The following WNK2 variants were observed in gnomAD, a reference collection of about 807,000 sequenced individuals.
WNK2 encodes the protein serine/threonine-protein kinase WNK2.
WNK2 carries 67 observed loss-of-function variants against 192.1 expected under a neutral mutation model. The ratio of observed to expected loss-of-function variants is 0.35; its 90% confidence interval spans 0.29 to 0.43. WNK2 has a LOEUF of 0.43. Ranked by LOEUF, WNK2 falls within the 20% of genes least tolerant of loss-of-function variation. WNK2 has a pLI of 1.00. For synonymous variants in WNK2, 1,439 were observed against 1,393.9 expected (o/e 1.03, Z -0.72); for missense variants, 2,698 against 3,089.7 (o/e 0.87, Z 3.01).
intron 19 of WNK2, among the ~76,000 whole-genome samples, chr9:93,283,069 A>T (rs150503334): frequency 1.3e-5 from 2 of 152,236 alleles, no homozygotes; most frequent in Non-Finnish European, 1.5e-5. Context: ...AGAAATTACA[A>T]TGGAAACTAA....
At position 93,259,592 on chromosome 9, in the gene WNK2, C is replaced by A; in HGVS notation, c.3044C>A (p.Pro1015Gln). ...CCCCACCTTCCTGAACAAGCTGCTC[C>A]AGCTGCTACACCAGGGAGCCAGGTA... ...LQPHLPEQAA[P>Q]AATPGSQILL... The change falls in exon 12 of 30, where the codon CCA (proline) becomes CAA (glutamine). Residue 1015 changes from proline to glutamine, a missense_variant. Pro to Gln is a moderately conservative substitution (Grantham distance 76). This residue lies in a region of WNK2 where 893 missense variants were observed against 909.0 expected (regional missense o/e 0.98). Transcript: ENST00000427277. This position sits in a 1 kb window ranked among gnomAD's most constrained non-coding sequence, Gnocchi z 4.8. 6.3e-7 allele frequency: 1 copy of A among 1,591,812 alleles called. No individual in the cohort carries two copies. Among genetic ancestry groups the A allele is most frequent in the Non-Finnish European group, 8.5e-7 (1 of 1,176,302 alleles).
intron 2 of WNK2, 126 bp downstream of exon 2, chr9:93,185,736 A>G (rs1829182550): frequency 8.8e-7 from 1 of 1,133,348 alleles, no homozygotes; most frequent in African/African-American, 1.6e-5. Flanking sequence ...CATGTGTGTC[A>G]CCCTCTGTGT....
Position 93,292,674 on chromosome 9 carries a change from G to A in WNK2, c.5209G>A (p.Asp1737Asn). ...CCCTCGGAAACGTCCAGAGCAGCAG[G>A]ATGTCAGCTCACCAGCCAAGACTGT... ...GSPRKRPEQQ[D>N]VSSPAKTVGR... Residue 1737 changes from aspartate to asparagine, a missense_variant, in exon 23 of 30, where the codon GAT (aspartate) becomes AAT (asparagine). Physicochemically the swap from Asp to Asn is conservative, Grantham distance 23. Coordinates refer to ENST00000427277, the MANE Select transcript of WNK2 (RefSeq NM_006648.4). The A allele has an allele frequency of 6.3e-7, 1 of 1,576,136 alleles. No individual in the cohort carries two copies.
chr9:93,289,545 C>G lies in WNK2; in HGVS notation c.4791C>G (p.Val1597=). The change falls in exon 20 of 30, where the codon GTC becomes GTG. Residue 1597 remains valine (V), a synonymous_variant. Transcript: ENST00000427277. The part of the protein sequence containing the change: ...PLRGDQPRSE[V]CGGDLALPPV... ...GAGGGGACCAGCCCCGCTCAGAGGT[C>G]TGCGGGGGGGACCTGGCCCTGCCCC... 1 of 1,573,196 alleles carries G rather than the reference C, an allele frequency of 6.4e-7. No homozygotes were observed. Among genetic ancestry groups the G allele is most frequent in the Non-Finnish European group, 8.6e-7 (1 of 1,156,232 alleles).
At position 93,278,361 on chromosome 9, in the gene WNK2, G is replaced by A. The variant is rs1421946935; in HGVS notation, c.4033+9615G>A. On this transcript the variant is annotated intron_variant, in intron 19 of 29. Coordinates refer to ENST00000427277, the MANE Select transcript of WNK2 (RefSeq NM_006648.4). ...GTGTGTGAGGAAACTCACCCAGGCTGAGGAATGACCCACCACGAAGGATCA... is the reference window on the plus strand; with the variant it reads ...GTGTGTGAGGAAACTCACCCAGGCTAAGGAATGACCCACCACGAAGGATCA... Among the ~76,000 whole-genome samples the A allele has an allele frequency of 2.0e-5, 3 of 152,214 alleles. No individual in the cohort carries two copies. The East Asian group carries it at 5.8e-4, about 29-fold the overall frequency.
chr9:93,263,242 G>T, intron 14 of WNK2: 1 of 468,408 alleles, frequency 2.1e-6, no homozygotes, highest in Non-Finnish European at 3.9e-6. Flanking sequence ...AACAGTGGTG[G>T]GTGTGTTTCT....
In WNK2 at chr9:93,256,440, C is replaced by A. The variant is rs200579206; in HGVS notation, c.2176C>A (p.Pro726Thr). The A allele has an allele frequency of 2.8e-4, 434 of 1,526,304 alleles. 1 individual carries two copies. In the African/African-American group the frequency reaches 4.9e-3, roughly 17 times the overall value. 94.5% of individuals were successfully genotyped at this position (1,526,304 alleles called of 1,614,324 possible). The change falls in exon 10 of 30, where the codon CCC becomes ACC. Residue 726 changes from proline to threonine, a missense_variant. By Grantham distance (38) the Pro-to-Thr change is conservative. Around this residue, in one of 7 missense-constraint regions of WNK2, gnomAD observed 893 missense variants for 909.0 expected, o/e 0.98. Coordinates refer to ENST00000427277, the MANE Select transcript of WNK2 (RefSeq NM_006648.4). ...PMPTGPGQPA[P>T]PGQQPPPLAQ... ...GCCCACGGGCCCAGGCCAGCCAGCA[C>A]CCCCCGGCCAGCAGGTGAGTGTGGC...
chr9:93,276,069 G>A (rs1846820874), intron 19 of WNK2, among the ~76,000 whole-genome samples: 1 of 152,194 alleles, frequency 6.6e-6, no homozygotes, highest in South Asian at 2.1e-4. Flanking sequence ...AAAAGTTAAA[G>A]CAGATTACTT....
intron 19 of WNK2, among the ~76,000 whole-genome samples, chr9:93,273,822 T>G (rs969650140): frequency 2.0e-5 from 3 of 152,194 alleles, no homozygotes; most frequent in African/African-American, 7.2e-5. Context: ...TACAGTGTAA[T>G]ATAAAATTAA....
intron 16 of WNK2, among the ~76,000 whole-genome samples, chr9:93,265,531 C>G (rs4744207): frequency 0.32 from 49,336 of 152,136 alleles, 8,193 homozygotes; most frequent in South Asian, 0.52. Context: ...CAGCAAGCAG[C>G]TGGTTCGTCA....
At chr9:93,300,235 A>C in intron 26 of WNK2, 86 bp downstream of exon 26, 1 of 1,026,720 alleles carries the variant, frequency 9.7e-7, no homozygotes. Flanking sequence ...TACCTTTCAT[A>C]CATTTCATAG....
chr9:93,222,756 C>T (rs1476869945), intron 2 of WNK2, among the ~76,000 whole-genome samples: 2 of 149,956 alleles, frequency 1.3e-5, no homozygotes, highest in Non-Finnish European at 3.0e-5. Context: ...GATCTCGGCT[C>T]ACTACAACCT....
intron 27 of WNK2, chr9:93,307,930 G>A: frequency 4.5e-6 from 1 of 223,814 alleles, no homozygotes; most frequent in South Asian, 8.0e-5. Context: ...GCCAGAGAGA[G>A]CCCGAGGAAC....
Position 93,259,429 on chromosome 9 carries a change from A to C in WNK2, c.2881A>C (p.Thr961Pro), listed in dbSNP as rs1588246351. The C allele has an allele frequency of 9.8e-7, 1 of 1,017,068 alleles. No individual in the cohort carries two copies. Among genetic ancestry groups the C allele is most frequent in the Non-Finnish European group, 1.3e-6 (1 of 781,144 alleles). The allele number at this position is 1,017,068 out of a possible 1,614,324, so 63.0% of individuals were successfully genotyped here. ...ACAACCCGTGCTGCCCCCGCAACCC[A>C]CGCTGCCCCCTCAACCTGTGTTGCC... ...PPQPVLPPQP[T>P]LPPQPVLPPQ... Residue 961 changes from threonine (T) to proline (P), a missense_variant, in exon 12 of 30, where the codon ACG becomes CCG. Physicochemically the swap from Thr to Pro is conservative, Grantham distance 38. Around this residue, in one of 7 missense-constraint regions of WNK2, gnomAD observed 893 missense variants for 909.0 expected, o/e 0.98. Transcript: ENST00000427277. This position sits in a 1 kb window ranked among gnomAD's most constrained non-coding sequence, Gnocchi z 4.8.
Position 93,229,980 on chromosome 9 carries a change from G to A in WNK2, c.854+112G>A. The A allele has an allele frequency of 7.4e-7, 1 of 1,346,920 alleles. No homozygotes were observed. The highest frequency in any genetic ancestry group is 1.0e-6 in the Non-Finnish European group (1 of 1,000,424). 83.4% of individuals were successfully genotyped at this position (1,346,920 alleles called of 1,614,324 possible). The stretch of plus-strand genomic sequence containing the variant: ...GTGGTCCTGGCTGGTGCCTGTGGGA[G>A]GCTGTCTCCTCTTTCCTCTCCTGCA... On this transcript the variant is annotated intron_variant, in intron 3 of 29. Coordinates refer to ENST00000427277, the MANE Select transcript of WNK2 (RefSeq NM_006648.4). The surrounding 1 kb of genome is among the most constrained non-coding windows in gnomAD (Gnocchi z 4.9).
intron 23 of WNK2, among the ~76,000 whole-genome samples, chr9:93,294,055 G>A (rs1263780948): frequency 6.6e-6 from 1 of 152,152 alleles, no homozygotes; most frequent in Non-Finnish European, 1.5e-5. Context: ...TTACTGGGAT[G>A]TCCTTCGGGA....
Position 93,289,538 on chromosome 9 carries a change from C to A in WNK2, c.4784C>A (p.Ser1595Ter). The change falls in exon 20 of 30, where the codon TCA becomes TAA. Residue 1595 changes from serine (S) to a stop codon, truncating the protein, a stop_gained. Coordinates refer to ENST00000427277, the MANE Select transcript of WNK2 (RefSeq NM_006648.4). LOFTEE classifies it high-confidence loss of function. ...CCCCTGAGAGGGGACCAGCCCCGCTCAGAGGTCTGCGGGGGGGACCTGGCC... is the reference window on the plus strand; with the variant it reads ...CCCCTGAGAGGGGACCAGCCCCGCTAAGAGGTCTGCGGGGGGGACCTGGCC... ...LEPLRGDQPRSEVCGGDLALP... is the reference protein window; with the variant it reads ...LEPLRGDQPR 6.3e-7 allele frequency: 1 copy of A among 1,582,742 alleles called. No individual in the cohort carries two copies.
intron 21 of WNK2, among the ~76,000 whole-genome samples, chr9:93,291,966 C>T (rs1057461451): frequency 2.0e-5 from 3 of 152,186 alleles, no homozygotes; most frequent in Admixed American, 6.5e-5. Flanking sequence ...TCACATCAGA[C>T]GATGGGATGA....
At position 93,239,175 on chromosome 9, in the gene WNK2, C is replaced by T. The variant is rs1588113489; in HGVS notation, c.1323-582C>T. 6.6e-6 allele frequency among the ~76,000 whole-genome samples: 1 copy of T among 152,238 alleles called. No individual in the cohort carries two copies. The highest frequency in any genetic ancestry group is 6.5e-5 in the Admixed American group (1 of 15,288). On this transcript the variant is annotated intron_variant, in intron 6 of 29. Transcript: ENST00000427277. The surrounding 1 kb of genome is among the most constrained non-coding windows in gnomAD (Gnocchi z 4.2). ...TGTGGCCCGCCCTCCCGGATCCCTG[C>T]AAAGAGCCTTCGAGGCTGGGTCTGG...
Sources: gnomAD v4.1 joint callset for allele counts (sites outside exome capture counted in the v4.1 genomes callset) on GRCh38, gnomAD v4.1.1 for gene constraint, gnomAD v4.1.1 regional missense constraint, Gnocchi (gnomAD v3.1) non-coding constraint, MANE v1.5 for transcripts, NCBI Gene and HGNC (gene_info 2026-07-23, HGNC 2026-07-21) for gene names.